Variants in DNAH8 observed in about 807,000 individuals in gnomAD.
DNAH8 encodes the protein axonemal beta dynein heavy chain 8.
DNAH8 carries 382 observed loss-of-function variants against 562.1 expected under a neutral mutation model. That is an observed-to-expected ratio of 0.68 (90% CI 0.63 to 0.74). The LOEUF is 0.74. Among genes scored for constraint, DNAH8 ranks in the 30% least tolerant of loss-of-function variants. The pLI, the probability that DNAH8 is intolerant of heterozygous loss-of-function variation, is 0.00. For missense variants in DNAH8, 5,203 were observed against 5,620.4 expected (o/e 0.93, Z 2.37); for synonymous variants, 1,881 against 1,919.4 (o/e 0.98, Z 0.52).
At chr6:38,719,181 G>T (rs372083540) in intron 1 of DNAH8, among the ~76,000 whole-genome samples, 22 of 152,300 alleles carry the variant, frequency 1.4e-4, no homozygotes, top group African/African-American at 5.3e-4. Context: ...CATCTAGGGG[G>T]TGCTACATTA....
intron 52 of DNAH8, among the ~76,000 whole-genome samples, chr6:38,874,129 T>C (rs1777759816): frequency 7.4e-6 from 1 of 134,544 alleles, no homozygotes; most frequent in Non-Finnish European, 1.6e-5. Flanking sequence ...CCTTCTCTCT[T>C]TCTTTCTTTC....
chr6:38,752,194 C>G (rs775856825), intron 9 of DNAH8, among the ~76,000 whole-genome samples: 2 of 151,116 alleles, frequency 1.3e-5, no homozygotes, highest in African/African-American at 4.9e-5. Flanking sequence ...GATGGAGTCT[C>G]TCTCTGTCAC....
At chr6:38,772,881 G>A (rs1279380748) in intron 12 of DNAH8, among the ~76,000 whole-genome samples, 4 of 151,472 alleles carry the variant, frequency 2.6e-5, no homozygotes, top group African/African-American at 9.7e-5. Context: ...GAGTGCAGTG[G>A]CATGATCATA....
At chr6:38,884,435 A>G (rs9380803) in intron 56 of DNAH8, among the ~76,000 whole-genome samples, 5,324 of 152,192 alleles carry the variant, frequency 0.035, 327 homozygotes, top group East Asian at 0.28. Context: ...CTGGGATAAC[A>G]TGTGCCCGCC....
At chr6:38,988,283 T>C (rs1583515918) in intron 87 of DNAH8, among the ~76,000 whole-genome samples, 2 of 152,208 alleles carry the variant, frequency 1.3e-5, no homozygotes, top group South Asian at 4.1e-4. Context: ...ATTTTGACTT[T>C]GCCCCCAAAT....
intron 82 of DNAH8, among the ~76,000 whole-genome samples, chr6:38,968,753 A>G (rs2150682993): frequency 6.6e-6 from 1 of 152,298 alleles, no homozygotes; most frequent in Admixed American, 6.5e-5. Flanking sequence ...AGATAGGGTT[A>G]CCACATGACT....
intron 91 of DNAH8, among the ~76,000 whole-genome samples, chr6:39,019,378 C>T (rs1204427648): frequency 6.6e-6 from 1 of 152,154 alleles, no homozygotes; most frequent in Non-Finnish European, 1.5e-5. Context: ...CTGTCTGAAG[C>T]AGGAGGTGAG....
chr6:38,903,142 A>G (rs1001300154), intron 62 of DNAH8, among the ~76,000 whole-genome samples: 3 of 152,076 alleles, frequency 2.0e-5, no homozygotes, highest in African/African-American at 7.2e-5. Flanking sequence ...GTGTAGGCAT[A>G]CTCTACGCTG....
rs115298833 is a variant in DNAH8, at chr6:38,886,185, A to G, written c.8260-606A>G. On this transcript the variant is annotated intron_variant, in intron 56 of 92. Transcript: ENST00000327475. ...GAAAGAGCCCAGGATGGAACCCTGG[A>G]GAACAGTTACATGTGAGGGATGAGT... 8.2e-3 allele frequency among the ~76,000 whole-genome samples: 1,255 copies of G among 152,228 alleles called. 13 individuals are homozygous for G. The highest frequency in any genetic ancestry group is 0.012 in the Non-Finnish European group (846 of 68,016).
At position 38,951,478 on chromosome 6, in the gene DNAH8, C is replaced by T; in HGVS notation, c.12409C>T (p.Pro4137Ser). 6.2e-7 allele frequency: 1 copy of T among 1,613,984 alleles called. No homozygotes were observed. The highest frequency in any genetic ancestry group is 8.5e-7 in the Non-Finnish European group (1 of 1,179,996). The change falls in exon 82 of 93, where the codon CCC becomes TCC. Residue 4137 changes from proline (P) to serine (S), a missense_variant. This residue lies in a region of DNAH8 where 1,399 missense variants were observed against 1,518.4 expected (regional missense o/e 0.92). Coordinates refer to ENST00000327475, the MANE Select transcript of DNAH8 (RefSeq NM_001206927.2). ...LICFLSMGSDPTNQIDALAKK... is the reference protein window; with the variant it reads ...LICFLSMGSDSTNQIDALAKK... Reference sequence around the variant, plus strand: ...ATGCTTCCTGTCCATGGGATCTGACCCCACCAATCAAATTGATGCATTGGC... The same window carrying T: ...ATGCTTCCTGTCCATGGGATCTGACTCCACCAATCAAATTGATGCATTGGC...
intron 7 of DNAH8, among the ~76,000 whole-genome samples, chr6:38,740,241 C>G (rs1372042867): frequency 6.6e-6 from 1 of 151,786 alleles, no homozygotes; most frequent in African/African-American, 2.4e-5. Flanking sequence ...CATGAAAAAC[C>G]CTATTGAGAT....
intron 82 of DNAH8, among the ~76,000 whole-genome samples, chr6:38,962,435 A>T (rs550711101): frequency 6.6e-6 from 1 of 152,170 alleles, no homozygotes. Flanking sequence ...CATTACAAAC[A>T]TTGATAAATA....
chr6:38,937,933 TC>T (rs766793538), intron 77 of DNAH8, 40 bp from the exon 78 acceptor site: 8 of 1,601,840 alleles, frequency 5.0e-6, no homozygotes, highest in Non-Finnish European at 6.8e-6. Flanking sequence ...TTTGCAAGTT[TC>T]CCGTCTTGTG....
At chr6:38,747,788 A>G (rs1037029769) in intron 8 of DNAH8, among the ~76,000 whole-genome samples, 5 of 152,212 alleles carry the variant, frequency 3.3e-5, no homozygotes, top group African/African-American at 4.8e-5. Flanking sequence ...ATCCTTTGGT[A>G]CACATTTTGA....
intron 21 of DNAH8, among the ~76,000 whole-genome samples, chr6:38,798,056 A>G (rs1562821710): frequency 6.6e-6 from 1 of 151,914 alleles, no homozygotes; most frequent in East Asian, 1.9e-4. Context: ...CCTGGGCCAC[A>G]GAGCGAGACT....
At chr6:38,751,415 T>G (rs1468062786) in intron 9 of DNAH8, among the ~76,000 whole-genome samples, 3 of 152,140 alleles carry the variant, frequency 2.0e-5, no homozygotes, top group Non-Finnish European at 4.4e-5. Context: ...TCTGGGTGGG[T>G]AGGGGAGTAT....
chr6:38,996,566 A>G (rs1047938630), intron 88 of DNAH8, among the ~76,000 whole-genome samples: 2 of 152,200 alleles, frequency 1.3e-5, no homozygotes, highest in African/African-American at 2.4e-5. Context: ...AGGCTCATCT[A>G]GAGCACCCAT....
chr6:38,764,495 C>CCATGTT (rs998983417), intron 11 of DNAH8: 3 of 152,124 alleles, frequency 2.0e-5, no homozygotes, highest in African/African-American at 7.2e-5. Flanking sequence ...CTTTGGATAA[C>CCATGTT]CTTTAAAAGA....
intron 47 of DNAH8, among the ~76,000 whole-genome samples, chr6:38,867,126 G>A (rs1374722568): frequency 6.6e-6 from 1 of 152,106 alleles, no homozygotes; most frequent in Non-Finnish European, 1.5e-5. Context: ...TTGCCTGGTG[G>A]TTGACATCTT....
Sources: allele counts gnomAD v4.1 joint callset (sites outside exome capture counted in the v4.1 genomes callset), GRCh38; gene constraint gnomAD v4.1.1; regional missense constraint gnomAD v4.1.1; transcripts MANE v1.5; gene names NCBI Gene and HGNC (gene_info 2026-07-23, HGNC 2026-07-21).